Variants in ATXN1 observed in about 807,000 individuals in gnomAD.
ATXN1 encodes ataxin 1, also known as ataxin-1.
Under a neutral mutation model 56.4 loss-of-function variants are expected in ATXN1, and 8 were observed. The observed-to-expected ratio is 0.14, with a 90% CI of 0.08 to 0.26. The LOEUF (loss-of-function observed/expected upper bound fraction) is 0.26, where lower values mean the gene tolerates loss of function less well. Ranked by LOEUF, ATXN1 falls within the 10% of genes least tolerant of loss-of-function variation. ATXN1 has a pLI of 1.00. For missense variants in ATXN1, 987 were observed against 1,106.5 expected, an observed-to-expected ratio of 0.89 and a Z score of 1.53; for synonymous variants, 514 against 494.6, an observed-to-expected ratio of 1.04 and a Z score of -0.52.
chr6:16,428,863 G>GTTTGCGGTTAGAAGGC (rs1397897466), intron 6 of ATXN1, among the ~76,000 whole-genome samples: 1 of 152,218 alleles, frequency 6.6e-6, no homozygotes, highest in African/African-American at 2.4e-5. Context: ...AGGTTAATGG[G>GTTTGCGGTTAGAAGGC]TTTGCGGTTA....
intron 2 of ATXN1, among the ~76,000 whole-genome samples, chr6:16,686,888 T>C (rs900628519): frequency 1.3e-5 from 2 of 152,216 alleles, no homozygotes; most frequent in Non-Finnish European, 2.9e-5. Flanking sequence ...TACAAAATTA[T>C]TTAACTTTAT....
At chr6:16,688,272 G>A (rs762085058) in intron 2 of ATXN1, among the ~76,000 whole-genome samples, 9 of 152,300 alleles carry the variant, frequency 5.9e-5, no homozygotes, top group Non-Finnish European at 7.4e-5. Flanking sequence ...GGACTAATGC[G>A]ATATCTGTCT....
intron 4 of ATXN1, among the ~76,000 whole-genome samples, chr6:16,545,635 C>G (rs1761801450): frequency 6.6e-6 from 1 of 152,124 alleles, no homozygotes; most frequent in African/African-American, 2.4e-5. Flanking sequence ...TTGACATGGA[C>G]CGAGAGCTAA....
At chr6:16,427,234 G>A (rs1204545505) in intron 6 of ATXN1, among the ~76,000 whole-genome samples, 2 of 152,144 alleles carry the variant, frequency 1.3e-5, no homozygotes, top group African/African-American at 2.4e-5. Context: ...TCTTGTGCTG[G>A]ATGATTCTTT....
chr6:16,507,790 T>C (rs1761008183), intron 5 of ATXN1, among the ~76,000 whole-genome samples: 1 of 152,234 alleles, frequency 6.6e-6, no homozygotes, highest in African/African-American at 2.4e-5. Flanking sequence ...TGTTTTTTAA[T>C]GGAAGAAAAC....
intron 6 of ATXN1, among the ~76,000 whole-genome samples, chr6:16,451,255 G>C (rs1759747376): frequency 6.6e-6 from 1 of 152,210 alleles, no homozygotes; most frequent in African/African-American, 2.4e-5. Flanking sequence ...ATCACCAAAG[G>C]TCAGGAATTC....
At chr6:16,598,949 G>A (rs74792074) in intron 3 of ATXN1, among the ~76,000 whole-genome samples, 1,608 of 152,328 alleles carry the variant, frequency 0.011, 7 homozygotes, top group Non-Finnish European at 0.018. Context: ...CATCTGGACA[G>A]CTTTACCCCA....
At chr6:16,310,225 C>T (rs4716060) in intron 7 of ATXN1, among the ~76,000 whole-genome samples, 1 of 151,876 alleles carries the variant, frequency 6.6e-6, no homozygotes, top group Non-Finnish European at 1.5e-5. Flanking sequence ...TTGTCAATGG[C>T]GAATTCTATA....
chr6:16,318,712 C>T (rs915474346), intron 7 of ATXN1, among the ~76,000 whole-genome samples: 2 of 152,192 alleles, frequency 1.3e-5, no homozygotes, highest in South Asian at 2.1e-4. Flanking sequence ...AGCACCGGGA[C>T]GCCTCCTAAC....
intron 6 of ATXN1, among the ~76,000 whole-genome samples, chr6:16,347,125 C>T (rs937234904): frequency 2.6e-5 from 4 of 152,248 alleles, no homozygotes; most frequent in African/African-American, 7.2e-5. Context: ...CTCCCCCTGC[C>T]CCTCCGTGGG....
At chr6:16,754,137 A>AT (rs951654971) in intron 1 of ATXN1, 2 of 152,142 alleles carry the variant, frequency 1.3e-5, no homozygotes, top group Non-Finnish European at 2.9e-5. Flanking sequence ...CTGCTAACGT[A>AT]TTTTTTTAGC....
intron 6 of ATXN1, among the ~76,000 whole-genome samples, chr6:16,341,772 G>A (rs912264500): frequency 2.0e-5 from 3 of 151,888 alleles, no homozygotes; most frequent in Non-Finnish European, 4.4e-5. Context: ...GCCTGCCTCG[G>A]CCTCCCAAAG....
intron 6 of ATXN1, among the ~76,000 whole-genome samples, chr6:16,399,195 T>C (rs1006652501): frequency 2.0e-5 from 3 of 152,234 alleles, no homozygotes; most frequent in Admixed American, 6.5e-5. Flanking sequence ...AAGTTAAATG[T>C]GGCAGTGAAT....
intron 6 of ATXN1, among the ~76,000 whole-genome samples, chr6:16,394,804 TA>T (rs542366707): frequency 1.2e-3 from 176 of 152,232 alleles, no homozygotes; most frequent in Non-Finnish European, 2.1e-3. Flanking sequence ...TCCACAGAAA[TA>T]AAAATCCATT....
intron 6 of ATXN1, among the ~76,000 whole-genome samples, chr6:16,437,304 G>A (rs939130123): frequency 3.3e-5 from 5 of 152,356 alleles, no homozygotes; most frequent in African/African-American, 9.6e-5. Flanking sequence ...TCGGCTGTGG[G>A]TGGGAGTGCG....
intron 4 of ATXN1, among the ~76,000 whole-genome samples, chr6:16,524,987 AGTTGC>A (rs1761363349): frequency 1.3e-5 from 2 of 152,122 alleles, no homozygotes; most frequent in East Asian, 3.9e-4. Flanking sequence ...GGGAGGCAGA[AGTTGC>A]AGTGAGCCAA....
chr6:16,558,713 T>A (rs1276095925), intron 4 of ATXN1, among the ~76,000 whole-genome samples: 1 of 152,010 alleles, frequency 6.6e-6, no homozygotes, highest in Non-Finnish European at 1.5e-5. Flanking sequence ...TACGAGACAA[T>A]TTAAAAATTA....
At chr6:16,510,548 G>T (rs1345611787) in intron 5 of ATXN1, among the ~76,000 whole-genome samples, 1 of 151,940 alleles carries the variant, frequency 6.6e-6, no homozygotes. Context: ...CCAACCAGAG[G>T]AGCACAGTGA....
chr6:16,581,572 C>T (rs928268178), intron 4 of ATXN1, among the ~76,000 whole-genome samples: 3 of 151,962 alleles, frequency 2.0e-5, no homozygotes, highest in African/African-American at 7.3e-5. Flanking sequence ...ATCCCACAAA[C>T]AATGCTGAGT....
Sources: allele counts gnomAD v4.1 joint callset (sites outside exome capture counted in the v4.1 genomes callset), GRCh38; gene constraint gnomAD v4.1.1; transcripts MANE v1.5; gene names NCBI Gene and HGNC (gene_info 2026-07-23, HGNC 2026-07-21).